KMO: variants seen among roughly 807,000 people sequenced by gnomAD.
KMO encodes kynurenine 3-hydroxylase.
A neutral mutation model predicts 57.8 loss-of-function variants in KMO; 24 were observed. The observed-to-expected ratio is 0.42, with a 90% CI of 0.30 to 0.58. The LOEUF (loss-of-function observed/expected upper bound fraction) is 0.58. Ranked by LOEUF, KMO falls within the 20% of genes least tolerant of loss-of-function variation. The pLI, the probability that KMO is intolerant of heterozygous loss-of-function variation, is 0.22. For missense variants in KMO, 483 were observed against 588.2 expected (o/e 0.82, Z 1.85); for synonymous variants, 210 against 193.6 (o/e 1.08, Z -0.70).
rs1351044819 is a variant in KMO, at chr1:241,568,492, C to T, written c.810-8C>T. On this transcript the variant is annotated splice_polypyrimidine_tract_variant and splice_region_variant and intron_variant, in intron 9 of 14. Transcript: ENST00000366559. Reference sequence around the variant, plus strand: ...ATGTCTTTATATTCGGATTATTTTCCTTTGAAGGAAACTCCTAGTGCAAGA... The same window carrying T: ...ATGTCTTTATATTCGGATTATTTTCTTTTGAAGGAAACTCCTAGTGCAAGA... The T allele has an allele frequency of 1.2e-6, 2 of 1,612,834 alleles. No homozygotes were observed. The highest frequency in any genetic ancestry group is 2.2e-5 in the South Asian group (2 of 91,006).
chr1:241,557,558 G>T (rs1661684680), intron 5 of KMO, among the ~76,000 whole-genome samples: 1 of 152,204 alleles, frequency 6.6e-6, no homozygotes, highest in Non-Finnish European at 1.5e-5. Flanking sequence ...AGAGGGTTTA[G>T]TATTATTATT....
intron 7 of KMO, among the ~76,000 whole-genome samples, chr1:241,563,831 T>C (rs1661971705): frequency 6.6e-6 from 1 of 152,230 alleles, no homozygotes; most frequent in African/African-American, 2.4e-5. Flanking sequence ...AGACTTTCTC[T>C]ATTTTTCTTT....
intron 10 of KMO, among the ~76,000 whole-genome samples, chr1:241,584,825 C>T (rs994617410): frequency 9.9e-5 from 15 of 152,134 alleles, no homozygotes; most frequent in African/African-American, 3.4e-4. Flanking sequence ...GATAAGTGCC[C>T]AGGACCTGAC....
chr1:241,549,708 A>G lies in KMO; in HGVS notation c.156A>G (p.Arg52=), dbSNP rs1281443976. ...DTRVATFTRG[R]SINLALSHRG... ...GAGTGGCTACCTTCACACGTGGAAGAAGCATTAACTTAGCCCTTTCTCATA... is the reference window on the plus strand; with the variant it reads ...GAGTGGCTACCTTCACACGTGGAAGGAGCATTAACTTAGCCCTTTCTCATA... The change falls in exon 3 of 15, where the codon AGA becomes AGG. Residue 52 remains arginine, a synonymous_variant. Transcript: ENST00000366559. 6.2e-7 allele frequency: 1 copy of G among 1,613,432 alleles called. No homozygotes were observed. The highest frequency in any genetic ancestry group is 2.2e-5 in the East Asian group (1 of 44,848).
rs1490112514 is a variant in KMO at position 241,564,993 on chromosome 1, A to G, written c.622A>G (p.Met208Val). Residue 208 changes from methionine to valine, a missense_variant, in exon 8 of 15, where the codon ATG becomes GTG. By Grantham distance (21) the Met-to-Val change is conservative. Around this residue, in one of 3 missense-constraint regions of KMO, gnomAD observed 410 missense variants for 492.3 expected, o/e 0.83. Coordinates refer to ENST00000366559, the MANE Select transcript of KMO (RefSeq NM_003679.5). ...TATATTCTTTTTTCTGCAGTATGCC[A>G]TGGAACCTAATTATCTGCATATTTG... ...TIPPKNGDYA[M>V]EPNYLHIWPR... 9.4e-6 allele frequency: 15 copies of G among 1,601,082 alleles called. No homozygotes were observed. Among genetic ancestry groups the G allele is most frequent in the Non-Finnish European group, 1.2e-5 (14 of 1,168,636 alleles).
chr1:241,589,896 A>C, intron 12 of KMO, 116 bp from the exon 13 acceptor site: 1 of 816,198 alleles, frequency 1.2e-6, no homozygotes, highest in Non-Finnish European at 2.0e-6. Context: ...ACAAAAAATT[A>C]TTTGACTACT....
intron 10 of KMO, among the ~76,000 whole-genome samples, chr1:241,577,037 T>C (rs568235902): frequency 6.6e-6 from 1 of 152,266 alleles, no homozygotes; most frequent in South Asian, 2.1e-4. Context: ...GTTAAAATGT[T>C]CCACTGCATT....
chr1:241,593,429 T>C lies in KMO; in HGVS notation c.*1276T>C, dbSNP rs1173447820. ...ATGAAGATGAAACACTAGAGTCATATAAGAAATAAAAATTGGGCAATAAAA... is the reference window on the plus strand; with the variant it reads ...ATGAAGATGAAACACTAGAGTCATACAAGAAATAAAAATTGGGCAATAAAA... On this transcript the variant is annotated 3_prime_UTR_variant, in exon 15 of 15. Coordinates refer to ENST00000366559, the MANE Select transcript of KMO (RefSeq NM_003679.5). 2.6e-6 allele frequency: 1 copy of C among 379,798 alleles called. No homozygotes were observed. The highest frequency in any genetic ancestry group is 2.5e-5 in the Admixed American group (1 of 39,678). The allele number at this position is 379,798 out of a possible 1,614,324, so 23.5% of individuals were successfully genotyped here. A position where few individuals can be genotyped will look rare whatever the true frequency, so the allele number is the denominator to read the frequency against.
chr1:241,560,996 G>T (rs1461753931), intron 6 of KMO, among the ~76,000 whole-genome samples: 1 of 152,076 alleles, frequency 6.6e-6, no homozygotes, highest in Non-Finnish European at 1.5e-5. Flanking sequence ...TTCCACACTG[G>T]TGACTCTAAT....
chr1:241,549,887 G>A, intron 3 of KMO, 113 bp downstream of exon 3: 5 of 722,516 alleles, frequency 6.9e-6, no homozygotes, highest in Middle Eastern at 3.5e-4. Flanking sequence ...ATCTCTGCAT[G>A]AAAACTCATT....
intron 10 of KMO, among the ~76,000 whole-genome samples, chr1:241,583,809 T>C (rs1662857307): frequency 6.6e-6 from 1 of 151,934 alleles, no homozygotes; most frequent in African/African-American, 2.4e-5. Context: ...GACCATATAG[T>C]ATTCTGTTCA....
rs1370892040 is a variant in KMO at position 241,595,561 on chromosome 1, C to T, written c.*3408C>T. On this transcript the variant is annotated 3_prime_UTR_variant, in exon 15 of 15. Coordinates refer to ENST00000366559, the MANE Select transcript of KMO (RefSeq NM_003679.5). The stretch of plus-strand genomic sequence containing the variant: ...TCAAAAGTTAATGTAATTGTTATCC[C>T]ATTATTTAGAGCGAAATAAATGTTG... 1 of 152,152 alleles carries T rather than the reference C, an allele frequency of 6.6e-6. No homozygotes were observed. 9.4% of individuals were successfully genotyped at this position (152,152 alleles called of 1,614,324 possible). A position where few individuals can be genotyped will look rare whatever the true frequency, so the allele number is the denominator to read the frequency against.
intron 7 of KMO, 25 bp downstream of exon 7, chr1:241,562,357 C>T: frequency 6.2e-7 from 1 of 1,611,552 alleles, no homozygotes; most frequent in Non-Finnish European, 8.5e-7. Flanking sequence ...TTTTTCAACC[C>T]CTTCCCACAA....
intron 10 of KMO, among the ~76,000 whole-genome samples, chr1:241,583,112 C>G (rs1039216927): frequency 6.6e-6 from 1 of 152,166 alleles, no homozygotes; most frequent in African/African-American, 2.4e-5. Flanking sequence ...GGCAAAGTAT[C>G]TCAGTCTCTT....
At chr1:241,578,615 C>G (rs142529323) in intron 10 of KMO, among the ~76,000 whole-genome samples, 278 of 152,246 alleles carry the variant, frequency 1.8e-3, no homozygotes, top group African/African-American at 6.5e-3. Flanking sequence ...GTGACATAGA[C>G]TCTGTGATTC....
intron 10 of KMO, among the ~76,000 whole-genome samples, chr1:241,585,095 G>T (rs556991758): frequency 6.6e-6 from 1 of 151,998 alleles, no homozygotes; most frequent in African/African-American, 2.4e-5. Flanking sequence ...TAGGTGTGGT[G>T]GTGGGTTCCT....
chr1:241,593,505 C>T lies in KMO; in HGVS notation c.*1352C>T. 3.3e-6 allele frequency: 1 copy of T among 306,734 alleles called. No individual in the cohort carries two copies. Among genetic ancestry groups the T allele is most frequent in the South Asian group, 2.9e-5 (1 of 34,734 alleles). The allele number at this position is 306,734 out of a possible 1,614,324, so 19.0% of individuals were successfully genotyped here. On this transcript the variant is annotated 3_prime_UTR_variant, in exon 15 of 15. Coordinates refer to ENST00000366559, the MANE Select transcript of KMO (RefSeq NM_003679.5). ...ATATTGTCAATGAAAACCTTGAGTTCTAATAATCCATGTTCAGTTTGTAGG... is the reference window on the plus strand; with the variant it reads ...ATATTGTCAATGAAAACCTTGAGTTTTAATAATCCATGTTCAGTTTGTAGG...
In KMO at chr1:241,592,209, G is replaced by GA. The variant is rs1229073662; in HGVS notation, c.*63dup. ...TTTCTCTGTGACCAAAATTAAGCATGAAAAAAATGTTTCCATTGCCATATT... is the reference window on the plus strand; with the variant it reads ...TTTCTCTGTGACCAAAATTAAGCATGAAAAAAAATGTTTCCATTGCCATATT... On this transcript the variant is annotated 3_prime_UTR_variant, in exon 15 of 15. Transcript: ENST00000366559. 26 of 1,348,038 alleles carry GA rather than the reference G, an allele frequency of 1.9e-5. No homozygotes were observed. In the Admixed American group the frequency reaches 4.9e-4, roughly 26 times the overall value. The allele number at this position is 1,348,038 out of a possible 1,614,324, so 83.5% of individuals were successfully genotyped here. A position where few individuals can be genotyped will look rare whatever the true frequency, so the allele number is the denominator to read the frequency against.
chr1:241,564,647 G>T (rs754266254), intron 7 of KMO, among the ~76,000 whole-genome samples: 10 of 152,024 alleles, frequency 6.6e-5, no homozygotes, highest in Non-Finnish European at 1.2e-4. Flanking sequence ...ATGTGCATGT[G>T]TGTGTACATA....
Sources: gnomAD v4.1 joint callset for allele counts (sites outside exome capture counted in the v4.1 genomes callset) on GRCh38, gnomAD v4.1.1 for gene constraint, gnomAD v4.1.1 regional missense constraint, MANE v1.5 for transcripts, NCBI Gene and HGNC (gene_info 2026-07-23, HGNC 2026-07-21) for gene names.